STOX2: variants seen among roughly 807,000 people sequenced by gnomAD.
STOX2 encodes storkhead-box protein 2.
STOX2 carries 28 observed loss-of-function variants against 60.9 expected under a neutral mutation model. The observed-to-expected ratio is 0.46, with a 90% CI of 0.34 to 0.63. The LOEUF is 0.63. Ranked by LOEUF, STOX2 falls within the 30% of genes least tolerant of loss-of-function variation. The probability of loss-of-function intolerance (pLI) is 0.01; values close to 1 mark genes in which losing one functional copy is unlikely to be tolerated. For missense variants in STOX2, 1,024 were observed against 1,187.7 expected, an observed-to-expected ratio of 0.86 and a Z score of 2.03; for synonymous variants, 472 against 463.9, an observed-to-expected ratio of 1.02 and a Z score of -0.22.
At chr4:183,953,434 C>G (rs978541625) in intron 1 of STOX2, among the ~76,000 whole-genome samples, 2 of 152,206 alleles carry the variant, frequency 1.3e-5, no homozygotes, top group African/African-American at 4.8e-5. Flanking sequence ...CACTAGAGGT[C>G]CTGGAGGCAG....
At chr4:183,982,948 C>T (rs1732708129) in intron 1 of STOX2, among the ~76,000 whole-genome samples, 1 of 152,160 alleles carries the variant, frequency 6.6e-6, no homozygotes, top group Non-Finnish European at 1.5e-5. Flanking sequence ...GAACATCTCC[C>T]CTGTAGAAAC....
intron 3 of STOX2, among the ~76,000 whole-genome samples, chr4:184,012,818 T>C (rs1486899281): frequency 1.3e-5 from 2 of 152,322 alleles, no homozygotes; most frequent in East Asian, 1.9e-4. Flanking sequence ...TTCTAAGAAA[T>C]CATTTTTGCT....
intron 1 of STOX2, among the ~76,000 whole-genome samples, chr4:183,992,955 C>T (rs188880980): frequency 9.2e-5 from 14 of 152,360 alleles, no homozygotes; most frequent in Admixed American, 2.6e-4. Context: ...ACGAAATTAA[C>T]CTGATTGGTC....
At chr4:183,903,655 A>G (rs115374571), upstream of STOX2, among the ~76,000 whole-genome samples, 5,328 of 152,268 alleles carry the variant, frequency 0.035, 100 homozygotes, top group African/African-American at 0.04. Context: ...AGCTATTATA[A>G]TCATTCATAT....
chr4:183,950,614 T>A (rs1441988510), intron 1 of STOX2, among the ~76,000 whole-genome samples: 1 of 152,074 alleles, frequency 6.6e-6, no homozygotes. Context: ...TTGTCAAAGA[T>A]CACTGTACCG....
At chr4:183,826,985 C>T (rs7656987) in intron 1 of STOX2, among the ~76,000 whole-genome samples, 13,577 of 152,032 alleles carry the variant, frequency 0.089, 1,978 homozygotes, top group African/African-American at 0.31. Flanking sequence ...ATAACATGAC[C>T]TATTTAATCT....
chr4:183,913,537 G>C (rs1316853215), intron 1 of STOX2, among the ~76,000 whole-genome samples: 2 of 152,092 alleles, frequency 1.3e-5, no homozygotes, highest in Admixed American at 1.3e-4. Flanking sequence ...CTTTGGGAGG[G>C]CGAGGCGGGC....
intron 1 of STOX2, among the ~76,000 whole-genome samples, chr4:183,889,748 C>CA (rs1287225554): frequency 2.0e-5 from 3 of 151,888 alleles, no homozygotes; most frequent in African/African-American, 7.2e-5. Context: ...GCCAGGCATA[C>CA]CAGGCCACCT....
intron 1 of STOX2, chr4:183,798,072 C>G: frequency 8.2e-7 from 1 of 1,226,450 alleles, no homozygotes; most frequent in Non-Finnish European, 1.0e-6. Context: ...GCGACCGCCG[C>G]GCGCCCGTCC....
chr4:183,866,976 A>G (rs921860303), intron 1 of STOX2, among the ~76,000 whole-genome samples: 4 of 152,118 alleles, frequency 2.6e-5, no homozygotes, highest in Admixed American at 2.0e-4. Flanking sequence ...CACATTTGAT[A>G]CTCCGTGATA....
At chr4:183,842,889 C>T (rs1187610872) in intron 1 of STOX2, among the ~76,000 whole-genome samples, 4 of 151,674 alleles carry the variant, frequency 2.6e-5, no homozygotes, top group African/African-American at 9.7e-5. Context: ...GTGGCTCACG[C>T]CTGTGATCCC....
intron 1 of STOX2, among the ~76,000 whole-genome samples, chr4:183,911,204 G>A (rs964936346): frequency 2.0e-5 from 3 of 152,160 alleles, no homozygotes; most frequent in African/African-American, 7.2e-5. Flanking sequence ...GGTGCCTCCT[G>A]TTTGTGGGAA....
intron 1 of STOX2, among the ~76,000 whole-genome samples, chr4:183,940,790 T>C (rs544548310): frequency 6.6e-6 from 1 of 152,384 alleles, no homozygotes; most frequent in Admixed American, 6.5e-5. Flanking sequence ...TTATGTATGA[T>C]AGTTTATTCT....
intron 1 of STOX2, among the ~76,000 whole-genome samples, chr4:183,981,621 A>G (rs1732661345): frequency 6.6e-6 from 1 of 152,206 alleles, no homozygotes; most frequent in Non-Finnish European, 1.5e-5. Flanking sequence ...AAAAATCATA[A>G]GCTCCTCAGT....
At chr4:183,975,286 AAAG>A (rs1448657588) in intron 1 of STOX2, among the ~76,000 whole-genome samples, 12 of 152,234 alleles carry the variant, frequency 7.9e-5, no homozygotes, top group Non-Finnish European at 1.3e-4. Flanking sequence ...GAAACTAGAA[AAAG>A]AAGAGCAAAA....
intron 1 of STOX2, among the ~76,000 whole-genome samples, chr4:183,891,384 A>T (rs532455920): frequency 1.6e-5 from 2 of 126,232 alleles, no homozygotes; most frequent in African/African-American, 6.6e-5. Flanking sequence ...ATATATATAT[A>T]TATATATATA....
intron 1 of STOX2, among the ~76,000 whole-genome samples, chr4:183,935,322 T>C (rs530081739): frequency 6.6e-6 from 1 of 152,206 alleles, no homozygotes; most frequent in East Asian, 1.9e-4. Context: ...CCCCAGAGGG[T>C]ATCACCCTGT....
chr4:183,868,494 C>T (rs1392398963), intron 1 of STOX2, among the ~76,000 whole-genome samples: 2 of 152,214 alleles, frequency 1.3e-5, no homozygotes, highest in Non-Finnish European at 2.9e-5. Flanking sequence ...AGATCTTCCT[C>T]AGGTCATCTG....
chr4:183,886,585 AG>A (rs1406275242), intron 1 of STOX2, among the ~76,000 whole-genome samples: 2 of 152,222 alleles, frequency 1.3e-5, no homozygotes, highest in Admixed American at 1.3e-4. Flanking sequence ...ACTCTGTTCC[AG>A]CACCGTCCAG....
Sources: gnomAD v4.1 joint callset for allele counts (sites outside exome capture counted in the v4.1 genomes callset) on GRCh38, gnomAD v4.1.1 for gene constraint, MANE v1.5 for transcripts, NCBI Gene and HGNC (gene_info 2026-07-23, HGNC 2026-07-21) for gene names.